Variants in COX7A2L observed in about 807,000 individuals in gnomAD.
COX7A2L encodes the protein cytochrome c oxidase subunit 7A2 like, also known as cytochrome c oxidase subunit 7A2-like, mitochondrial.
COX7A2L carries 18 observed loss-of-function variants against 14.2 expected under a neutral mutation model. The ratio of observed to expected loss-of-function variants is 1.27; its 90% CI spans 0.88 to 1.88. The LOEUF (loss-of-function observed/expected upper bound fraction) is 1.88. Ranked by LOEUF, COX7A2L falls within the 40% of genes most tolerant of loss-of-function variation. COX7A2L has a pLI of 0.00. For synonymous variants in COX7A2L, 65 were observed against 57.4 expected (o/e 1.13, Z -0.60); for missense variants, 179 against 138.8 (o/e 1.29, Z -1.46).
upstream of COX7A2L, chr2:42,365,932 C>T (rs764706117): frequency 5.3e-5 from 8 of 152,170 alleles, no homozygotes; most frequent in Non-Finnish European, 1.0e-4. Context: ...ATATCACCTC[C>T]ACACATTGCT....
chr2:42,362,590 A>T (rs903416864), upstream of COX7A2L, among the ~76,000 whole-genome samples: 9 of 152,232 alleles, frequency 5.9e-5, no homozygotes, highest in Non-Finnish European at 1.3e-4. Flanking sequence ...TATGTTACAA[A>T]TAAATAGATA....
intron 2 of COX7A2L, 33 bp downstream of exon 2, chr2:42,353,179 C>T: frequency 2.5e-6 from 4 of 1,598,398 alleles, no homozygotes; most frequent in South Asian, 1.1e-5. Flanking sequence ...ATTTATTTCA[C>T]AGGCTTTTCT....
rs530661197 is a variant in COX7A2L, at chr2:42,350,230, A to T, written c.*989T>A. The T allele has an allele frequency of 6.6e-6, 1 of 152,330 alleles. No individual in the cohort carries two copies. Among genetic ancestry groups the T allele is most frequent in the Non-Finnish European group, 1.5e-5 (1 of 68,028 alleles). 9.4% of individuals were successfully genotyped at this position (152,330 alleles called of 1,614,324 possible). On this transcript the variant is annotated 3_prime_UTR_variant, in exon 3 of 3. Coordinates refer to ENST00000234301, the MANE Select transcript of COX7A2L (RefSeq NM_004718.4). ...TTTCAAAATTAATATAGGGTAAGTGAAGTCTACCAATCATGACAGCAAAGG... is the reference window on the plus strand; with the variant it reads ...TTTCAAAATTAATATAGGGTAAGTGTAGTCTACCAATCATGACAGCAAAGG...
At position 42,361,181 on chromosome 2, in the gene COX7A2L, C is replaced by T. The variant is rs1311721677; in HGVS notation, c.-20G>A. On this transcript the variant is annotated 5_prime_UTR_variant, in exon 1 of 3. Coordinates refer to ENST00000234301, the MANE Select transcript of COX7A2L (RefSeq NM_004718.4). ...GTACATGACGCCCAGAGTCCGGCTT[C>T]CCGCATCCGCTGCCAACGCGACCGC... 3 of 1,593,552 alleles carry T rather than the reference C, an allele frequency of 1.9e-6. No individual in the cohort carries two copies. Among genetic ancestry groups the T allele is most frequent in the South Asian group, 2.3e-5 (2 of 88,722 alleles).
chr2:42,339,332 T>A lies in COX7A2L; in HGVS notation c.193-5463A>T, dbSNP rs1427085786. ...CCCCCCAGCGGCTCTTGCTCCTCCA[T>A]GTCCTGATTCAACGCTAGGCTCCGT... On this transcript the variant is annotated intron_variant, in intron 2 of 2. Coordinates refer to the COX7A2L transcript ENST00000468711. The surrounding 1 kb of genome is among the most constrained non-coding windows in gnomAD (Gnocchi z 5.4). Among the ~76,000 whole-genome samples the A allele has an allele frequency of 6.6e-6, 1 of 152,126 alleles. No homozygotes were observed. Among genetic ancestry groups the A allele is most frequent in the African/African-American group, 2.4e-5 (1 of 41,430 alleles).
chr2:42,360,866 C>A (rs1168288951), intron 1 of COX7A2L: 6 of 590,804 alleles, frequency 1.0e-5, no homozygotes, highest in Admixed American at 3.0e-5. Context: ...TGAGCCAGAC[C>A]AAACTTCCAC....
At chr2:42,357,812 A>G (rs1029628682) in intron 1 of COX7A2L, among the ~76,000 whole-genome samples, 1 of 152,068 alleles carries the variant, frequency 6.6e-6, no homozygotes, top group Non-Finnish European at 1.5e-5. Flanking sequence ...ACAAACTACC[A>G]CAACTCTGCA....
intron 1 of COX7A2L, among the ~76,000 whole-genome samples, chr2:42,357,881 G>T (rs915199437): frequency 6.6e-6 from 1 of 151,938 alleles, no homozygotes; most frequent in Non-Finnish European, 1.5e-5. Context: ...TACATACTAG[G>T]CCCTTCATGA....
chr2:42,359,580 A>T (rs1391004446), intron 1 of COX7A2L: 1 of 152,188 alleles, frequency 6.6e-6, no homozygotes, highest in Non-Finnish European at 1.5e-5. Flanking sequence ...ATTCGGTTTC[A>T]GTGAGACCAC....
At chr2:42,356,487 C>G (rs967947308) in intron 1 of COX7A2L, among the ~76,000 whole-genome samples, 14 of 152,190 alleles carry the variant, frequency 9.2e-5, no homozygotes, top group South Asian at 2.1e-4. Flanking sequence ...TAAATATAGG[C>G]AGAATGTTCA....
chr2:42,366,037 C>A (rs1055256413), upstream of COX7A2L, among the ~76,000 whole-genome samples: 12 of 152,208 alleles, frequency 7.9e-5, no homozygotes, highest in Non-Finnish European at 1.5e-4. Context: ...AAGAACCATA[C>A]ACCTGGGTCT....
At chr2:42,347,227 G>A (rs1459571253), downstream of COX7A2L, among the ~76,000 whole-genome samples, 1 of 148,814 alleles carries the variant, frequency 6.7e-6, no homozygotes, top group Non-Finnish European at 1.5e-5. Flanking sequence ...AGATCAAAAA[G>A]TTTGGTAATA....
downstream of COX7A2L, among the ~76,000 whole-genome samples, chr2:42,347,813 C>T (rs747794769): frequency 5.9e-5 from 9 of 152,072 alleles, no homozygotes; most frequent in Admixed American, 2.6e-4. Context: ...TCCAGCTACT[C>T]GGGAGGCTGA....
intron 2 of COX7A2L, among the ~76,000 whole-genome samples, chr2:42,352,212 C>T (rs900341983): frequency 6.6e-6 from 1 of 152,200 alleles, no homozygotes; most frequent in Non-Finnish European, 1.5e-5. Flanking sequence ...CTCTGCTACC[C>T]AGGCTAGAAT....
At chr2:42,340,931 C>T (rs1375909107) in intron 2 of COX7A2L, among the ~76,000 whole-genome samples, 1 of 152,192 alleles carries the variant, frequency 6.6e-6, no homozygotes, top group Non-Finnish European at 1.5e-5. Flanking sequence ...AAATGGTCGG[C>T]ACCTCTAACC....
chr2:42,356,521 T>G (rs1188327915), intron 1 of COX7A2L, among the ~76,000 whole-genome samples: 1 of 152,240 alleles, frequency 6.6e-6, no homozygotes, highest in East Asian at 1.9e-4. Context: ...AGGCTATAGC[T>G]TCACAGTGTA....
rs1670630384 is a variant in COX7A2L, at chr2:42,351,188, C to T, written c.*31G>A. The T allele has an allele frequency of 6.3e-7, 1 of 1,583,762 alleles. No individual in the cohort carries two copies. Among genetic ancestry groups the T allele is most frequent in the African/African-American group, 1.4e-5 (1 of 73,662 alleles). ...AAAAGGAACTTCAAAGGGTTTATGCCAAAAAACAAACCAGTCCTCTGCAGC... is the reference window on the plus strand; with the variant it reads ...AAAAGGAACTTCAAAGGGTTTATGCTAAAAAACAAACCAGTCCTCTGCAGC... On this transcript the variant is annotated 3_prime_UTR_variant, in exon 3 of 3. Transcript: ENST00000234301.
chr2:42,368,398 G>T (rs890518299), intron 1 of COX7A2L, among the ~76,000 whole-genome samples: 1 of 152,138 alleles, frequency 6.6e-6, no homozygotes, highest in Admixed American at 6.6e-5. Flanking sequence ...CAAAATAAAT[G>T]ATTTAGTAAT....
intron 2 of COX7A2L, among the ~76,000 whole-genome samples, chr2:42,335,657 C>G (rs367586454): frequency 6.6e-6 from 1 of 152,254 alleles, no homozygotes; most frequent in Non-Finnish European, 1.5e-5. Context: ...CAGAAGCCGA[C>G]TGGCTGAGTT....
Sources: allele counts gnomAD v4.1 joint callset (sites outside exome capture counted in the v4.1 genomes callset), GRCh38; gene constraint gnomAD v4.1.1; non-coding constraint Gnocchi (gnomAD v3.1); transcripts MANE v1.5; gene names NCBI Gene and HGNC (gene_info 2026-07-23, HGNC 2026-07-21).